Variants in PRKCH observed in about 807,000 individuals in gnomAD.
The protein encoded by PRKCH is protein kinase C eta.
In PRKCH, 28 loss-of-function variants were observed where a neutral mutation model predicts 82.5. The observed-to-expected ratio is 0.34, with a 90% CI of 0.25 to 0.47. PRKCH has a LOEUF of 0.47. Ranked by LOEUF, PRKCH falls within the 20% of genes least tolerant of loss-of-function variation. The pLI is 1.00. For missense variants in PRKCH, 705 were observed against 881.8 expected (o/e 0.80, Z 2.54); for synonymous variants, 322 against 327.4 (o/e 0.98, Z 0.18).
intron 1 of PRKCH, among the ~76,000 whole-genome samples, chr14:61,327,681 T>G (rs142671698): frequency 6.6e-6 from 1 of 152,332 alleles, no homozygotes; most frequent in East Asian, 1.9e-4. Flanking sequence ...ATGAATTTGC[T>G]TATTATACTT....
At chr14:61,412,511 G>A (rs4353405) in intron 2 of PRKCH, among the ~76,000 whole-genome samples, 138,248 of 151,952 alleles carry the variant, frequency 0.91, 64,305 homozygotes, top group East Asian at 1. Context: ...TCTCTAGCCA[G>A]GACTGTGGGG....
At chr14:61,317,346 C>A (rs768966522), upstream of PRKCH, among the ~76,000 whole-genome samples, 1 of 152,190 alleles carries the variant, frequency 6.6e-6, no homozygotes, top group Non-Finnish European at 1.5e-5. Flanking sequence ...CTCAACCTAC[C>A]CTAACAGGCT....
At chr14:61,210,788 CTCTG>C (rs1350542312) in intron 1 of PRKCH, among the ~76,000 whole-genome samples, 3 of 131,720 alleles carry the variant, frequency 2.3e-5, no homozygotes, top group South Asian at 4.9e-4. Context: ...CTCTCTCTCT[CTCTG>C]TGTGTGTGTG....
intron 1 of PRKCH, among the ~76,000 whole-genome samples, chr14:61,230,514 G>A (rs2044734056): frequency 6.6e-6 from 1 of 152,162 alleles, no homozygotes; most frequent in Admixed American, 6.5e-5. Flanking sequence ...AGCCATTTGG[G>A]AGCAACTTAG....
In PRKCH at chr14:61,550,022, C is replaced by G; in HGVS notation, c.*191C>G. 9.1e-6 allele frequency: 5 copies of G among 551,740 alleles called. No homozygotes were observed. The South Asian group carries it at 1.6e-4, about 18-fold the overall frequency. 34.2% of individuals were successfully genotyped at this position (551,740 alleles called of 1,614,324 possible). On this transcript the variant is annotated 3_prime_UTR_variant, in exon 14 of 14. Coordinates refer to ENST00000332981, the MANE Select transcript of PRKCH (RefSeq NM_006255.5). ...TTAGAGTCCAGAGGGAGCCATGGCACTAGAAATAGTTGATAATGAAATGAG... is the reference window on the plus strand; with the variant it reads ...TTAGAGTCCAGAGGGAGCCATGGCAGTAGAAATAGTTGATAATGAAATGAG...
chr14:61,383,298 C>G (rs929735183), intron 1 of PRKCH, among the ~76,000 whole-genome samples: 6 of 151,918 alleles, frequency 3.9e-5, no homozygotes, highest in African/African-American at 1.5e-4. Context: ...GTCAGATGAC[C>G]TTATTTAGCT....
intron 1 of PRKCH, among the ~76,000 whole-genome samples, chr14:61,210,519 G>T (rs924915611): frequency 6.6e-6 from 1 of 152,076 alleles, no homozygotes; most frequent in Non-Finnish European, 1.5e-5. Context: ...CTCCCCTGAA[G>T]ATTTTGATTC....
intron 3 of PRKCH, 134 bp downstream of exon 3, chr14:61,443,395 T>C: frequency 3.4e-6 from 3 of 884,130 alleles, no homozygotes; most frequent in Non-Finnish European, 4.8e-6. Flanking sequence ...CTTACTCTAG[T>C]ATGTTGACCC....
intron 1 of PRKCH, among the ~76,000 whole-genome samples, chr14:61,369,401 G>T (rs564543350): frequency 4.6e-5 from 7 of 152,082 alleles, no homozygotes; most frequent in Non-Finnish European, 1.0e-4. Context: ...TGAGAAATTG[G>T]TGTGGTTTCA....
At chr14:61,338,914 G>A (rs1414879244) in intron 1 of PRKCH, among the ~76,000 whole-genome samples, 1 of 152,066 alleles carries the variant, frequency 6.6e-6, no homozygotes, top group South Asian at 2.1e-4. Context: ...CTGAAAAATT[G>A]TGCCTGTCAA....
chr14:61,237,716 A>G (rs988800069), intron 1 of PRKCH, among the ~76,000 whole-genome samples: 2 of 152,122 alleles, frequency 1.3e-5, no homozygotes, highest in African/African-American at 4.8e-5. Context: ...CCTTACCTCC[A>G]GTTGTCCCCC....
intron 2 of PRKCH, among the ~76,000 whole-genome samples, chr14:61,410,433 C>T (rs1280833854): frequency 1.3e-5 from 2 of 152,054 alleles, no homozygotes; most frequent in Non-Finnish European, 2.9e-5. Flanking sequence ...TAATATAAAT[C>T]CGTTGGGCTG....
At chr14:61,224,305 T>A (rs2044678726) in intron 1 of PRKCH, among the ~76,000 whole-genome samples, 1 of 152,204 alleles carries the variant, frequency 6.6e-6, no homozygotes, top group Admixed American at 6.5e-5. Context: ...TCCTCTATTG[T>A]TATTATCTTA....
At chr14:61,437,814 C>T (rs760350084) in intron 2 of PRKCH, among the ~76,000 whole-genome samples, 5 of 152,084 alleles carry the variant, frequency 3.3e-5, no homozygotes, top group East Asian at 1.9e-4. Context: ...TCCTTTCTAT[C>T]GACCAGGTGC....
At chr14:61,239,524 G>T (rs947180428) in intron 1 of PRKCH, among the ~76,000 whole-genome samples, 2 of 152,186 alleles carry the variant, frequency 1.3e-5, no homozygotes, top group Non-Finnish European at 2.9e-5. Context: ...CAGGGGGTAC[G>T]TGTCTTCCGG....
chr14:61,288,359 T>G lies in PRKCH; in HGVS notation c.-19+100691T>G, dbSNP rs201486381. On this transcript the variant is annotated intron_variant, in intron 1 of 3. Transcript: ENST00000555185. ...ATCCTCCTGCCTCAGCCTCTCAAAGTGCTGGGATTACAGGCATGAGCTGTG... is the reference window on the plus strand; with the variant it reads ...ATCCTCCTGCCTCAGCCTCTCAAAGGGCTGGGATTACAGGCATGAGCTGTG... Among the ~76,000 whole-genome samples, 9 of 152,288 alleles carry G rather than the reference T, an allele frequency of 5.9e-5. No homozygotes were observed. The East Asian group carries it at 1.7e-3, about 29-fold the overall frequency.
intron 2 of PRKCH, among the ~76,000 whole-genome samples, chr14:61,437,247 G>A (rs1883722795): frequency 1.3e-5 from 2 of 152,078 alleles, no homozygotes; most frequent in Admixed American, 6.6e-5. Flanking sequence ...ACATTTTTAT[G>A]CATCATTCTT....
chr14:61,516,497 C>A (rs1314471067), intron 10 of PRKCH, among the ~76,000 whole-genome samples: 1 of 152,122 alleles, frequency 6.6e-6, no homozygotes, highest in East Asian at 1.9e-4. Flanking sequence ...AATGCTATGA[C>A]ACAAAATTAG....
chr14:61,218,731 A>G (rs1005915133), intron 1 of PRKCH, among the ~76,000 whole-genome samples: 1 of 152,146 alleles, frequency 6.6e-6, no homozygotes, highest in Non-Finnish European at 1.5e-5. Flanking sequence ...TTGAAAAAAT[A>G]TCATGGCATT....
Sources: allele counts gnomAD v4.1 joint callset (sites outside exome capture counted in the v4.1 genomes callset), GRCh38; gene constraint gnomAD v4.1.1; transcripts MANE v1.5; gene names NCBI Gene and HGNC (gene_info 2026-07-23, HGNC 2026-07-21).